GPC5: variants seen among roughly 807,000 people sequenced by gnomAD.
GPC5 encodes the protein glypican 5.
GPC5 carries 47 observed loss-of-function variants against 53.9 expected under a neutral mutation model. The ratio of observed to expected loss-of-function variants is 0.87; its 90% CI spans 0.69 to 1.11. GPC5 has a LOEUF of 1.11. Ranked by LOEUF, GPC5 falls within the 50% of genes most tolerant of loss-of-function variation. The probability of loss-of-function intolerance (pLI) is 0.00; values close to 1 mark genes in which losing one functional copy is unlikely to be tolerated. For missense variants in GPC5, 748 were observed against 713.1 expected (o/e 1.05, Z -0.56); for synonymous variants, 286 against 263.3 (o/e 1.09, Z -0.84).
At chr13:91,854,054 C>T (rs530333861) in intron 5 of GPC5, among the ~76,000 whole-genome samples, 34 of 151,542 alleles carry the variant, frequency 2.2e-4, no homozygotes, top group Non-Finnish European at 3.4e-4. Flanking sequence ...CTTACTCTGT[C>T]GCTTTCCAAC....
intron 1 of GPC5, among the ~76,000 whole-genome samples, chr13:91,430,516 T>C (rs1879370477): frequency 6.6e-6 from 1 of 152,200 alleles, no homozygotes; most frequent in South Asian, 2.1e-4. Flanking sequence ...CTTTCTCTTC[T>C]TCTGAGTGGT....
At chr13:92,514,887 T>C (rs139148619) in intron 7 of GPC5, among the ~76,000 whole-genome samples, 234 of 152,162 alleles carry the variant, frequency 1.5e-3, no homozygotes, top group Middle Eastern at 3.4e-3. Context: ...CTGAAAAAAA[T>C]AGGTTATGGC....
chr13:92,321,883 T>C (rs1006430036), intron 7 of GPC5, among the ~76,000 whole-genome samples: 4 of 152,146 alleles, frequency 2.6e-5, no homozygotes, highest in Admixed American at 6.6e-5. Flanking sequence ...AATTTAGTTG[T>C]CATACTTTAT....
intron 6 of GPC5, among the ~76,000 whole-genome samples, chr13:91,988,108 C>G (rs2138729282): frequency 6.7e-6 from 1 of 149,062 alleles, no homozygotes; most frequent in South Asian, 2.1e-4. Flanking sequence ...GTCTCAGAAG[C>G]TTTTAGATAC....
At chr13:92,300,551 C>T (rs1395795658) in intron 7 of GPC5, among the ~76,000 whole-genome samples, 1 of 152,020 alleles carries the variant, frequency 6.6e-6, no homozygotes, top group Non-Finnish European at 1.5e-5. Flanking sequence ...ATGGATCAGT[C>T]AAGAGAAGTT....
intron 7 of GPC5, among the ~76,000 whole-genome samples, chr13:92,752,907 TG>T (rs964932167): frequency 4.6e-5 from 7 of 152,030 alleles, no homozygotes; most frequent in Non-Finnish European, 7.4e-5. Flanking sequence ...GCAGTGAGGC[TG>T]GGGGAGGGGC....
intron 7 of GPC5, among the ~76,000 whole-genome samples, chr13:92,366,489 A>G (rs2043608340): frequency 6.6e-6 from 1 of 151,850 alleles, no homozygotes; most frequent in African/African-American, 2.4e-5. Context: ...TAACCTTAGC[A>G]TTATTGCATG....
chr13:92,193,300 A>G (rs1330979), intron 7 of GPC5, among the ~76,000 whole-genome samples: 149,977 of 152,346 alleles, frequency 0.98, 73,876 homozygotes, highest in East Asian at 1. Context: ...CCAATAAAAA[A>G]AGCAGAGTTT....
At chr13:92,644,165 G>T (rs1421125113) in intron 7 of GPC5, among the ~76,000 whole-genome samples, 5 of 152,098 alleles carry the variant, frequency 3.3e-5, no homozygotes, top group African/African-American at 2.4e-5. Flanking sequence ...TAGTGTTTAA[G>T]AAGAAGGATT....
chr13:92,135,231 T>C (rs1359164924), intron 6 of GPC5, among the ~76,000 whole-genome samples: 1 of 152,188 alleles, frequency 6.6e-6, no homozygotes, highest in Non-Finnish European at 1.5e-5. Flanking sequence ...TGTTTGCTTT[T>C]TCACAAATTT....
intron 7 of GPC5, among the ~76,000 whole-genome samples, chr13:92,425,853 TG>T (rs978297743): frequency 6.6e-6 from 1 of 152,144 alleles, no homozygotes; most frequent in Non-Finnish European, 1.5e-5. Flanking sequence ...CATTTTAAGT[TG>T]TTTTACTCAA....
chr13:92,550,088 T>A (rs1041951903), intron 7 of GPC5, among the ~76,000 whole-genome samples: 7 of 151,924 alleles, frequency 4.6e-5, no homozygotes, highest in African/African-American at 1.4e-4. Flanking sequence ...GGTTTTGATT[T>A]TAAGTGTTTT....
At chr13:91,550,078 A>G (rs1358366700) in intron 2 of GPC5, among the ~76,000 whole-genome samples, 1 of 152,170 alleles carries the variant, frequency 6.6e-6, no homozygotes, top group Non-Finnish European at 1.5e-5. Context: ...TAAACTATCA[A>G]ATGGTGAAAA....
At chr13:92,510,238 T>C (rs1266643880) in intron 7 of GPC5, 1 of 152,160 alleles carries the variant, frequency 6.6e-6, no homozygotes, top group African/African-American at 2.4e-5. Flanking sequence ...GGCATCTTTA[T>C]GTTTATTCTT....
intron 7 of GPC5, among the ~76,000 whole-genome samples, chr13:92,372,683 A>AT (rs1255696341): frequency 6.6e-6 from 1 of 151,616 alleles, no homozygotes; most frequent in Non-Finnish European, 1.5e-5. Context: ...TTTCTGTCCT[A>AT]TTTTTCTGTA....
intron 7 of GPC5, among the ~76,000 whole-genome samples, chr13:92,655,330 TTTTATTTTTATTTTA>T (rs149745012): frequency 4.0e-4 from 52 of 130,860 alleles, no homozygotes; most frequent in African/African-American, 1.0e-3. Context: ...TATTTATTTA[TTTTATTTTTATTTTA>T]TTTTTTGAGA....
At chr13:91,405,459 G>A (rs1877251116) in intron 1 of GPC5, among the ~76,000 whole-genome samples, 1 of 152,202 alleles carries the variant, frequency 6.6e-6, no homozygotes, top group African/African-American at 2.4e-5. Flanking sequence ...CACACAGACT[G>A]TGTGGTTGGC....
chr13:92,176,957 A>G (rs1295566035), intron 7 of GPC5, among the ~76,000 whole-genome samples: 1 of 152,210 alleles, frequency 6.6e-6, no homozygotes, highest in East Asian at 1.9e-4. Flanking sequence ...ACTATGCTAT[A>G]GTTGTAAACA....
intron 2 of GPC5, among the ~76,000 whole-genome samples, chr13:91,462,335 G>C (rs560490350): frequency 2.7e-4 from 41 of 152,216 alleles, no homozygotes; most frequent in Non-Finnish European, 5.1e-4. Context: ...TGCTTTGTGA[G>C]TTATTAGATA....
Sources: gnomAD v4.1 joint callset for allele counts (sites outside exome capture counted in the v4.1 genomes callset) on GRCh38, gnomAD v4.1.1 for gene constraint, MANE v1.5 for transcripts, NCBI Gene and HGNC (gene_info 2026-07-23, HGNC 2026-07-21) for gene names.